CNTN5: variants seen among roughly 807,000 people sequenced by gnomAD.
CNTN5 encodes the protein contactin 5.
In CNTN5, 77 loss-of-function variants were observed where a neutral mutation model predicts 129.1. The observed-to-expected ratio is 0.60, with a 90% CI of 0.50 to 0.72. CNTN5 has a LOEUF of 0.72. CNTN5 is among the 30% of genes least tolerant of loss of function. The pLI, the probability that CNTN5 is intolerant of heterozygous loss-of-function variation, is 0.00. For synonymous variants in CNTN5, 509 were observed against 465.6 expected (o/e 1.09, Z -1.20); for missense variants, 1,478 against 1,328.8 (o/e 1.11, Z -1.75).
intron 2 of CNTN5, among the ~76,000 whole-genome samples, chr11:99,335,139 A>G (rs1460308754): frequency 6.6e-6 from 1 of 152,182 alleles, no homozygotes; most frequent in Non-Finnish European, 1.5e-5. Flanking sequence ...GTGAAGTGTC[A>G]GAAGCTGTTC....
intron 3 of CNTN5, among the ~76,000 whole-genome samples, chr11:99,579,397 T>C (rs2135604045): frequency 6.6e-6 from 1 of 152,086 alleles, no homozygotes; most frequent in Non-Finnish European, 1.5e-5. Flanking sequence ...GGGGATGGCA[T>C]TGAATGTATA....
At chr11:100,262,743 A>T (rs1213806477) in intron 17 of CNTN5, among the ~76,000 whole-genome samples, 1 of 152,160 alleles carries the variant, frequency 6.6e-6, no homozygotes, top group Admixed American at 6.5e-5. Flanking sequence ...GAACAAGGAA[A>T]ACACATGGAC....
At chr11:99,137,807 A>C (rs1859308308) in intron 1 of CNTN5, among the ~76,000 whole-genome samples, 1 of 105,066 alleles carries the variant, frequency 9.5e-6, no homozygotes, top group South Asian at 3.6e-4. Flanking sequence ...AGTATACATC[A>C]ATCTGCCAGA....
chr11:99,938,440 AC>A (rs1157218832), intron 7 of CNTN5, among the ~76,000 whole-genome samples: 3 of 151,590 alleles, frequency 2.0e-5, no homozygotes, highest in Non-Finnish European at 4.4e-5. Flanking sequence ...TATTTGAGAG[AC>A]AGATTTATTC....
intron 13 of CNTN5, among the ~76,000 whole-genome samples, chr11:100,094,641 G>A (rs1944921908): frequency 6.6e-6 from 1 of 151,752 alleles, no homozygotes; most frequent in Admixed American, 6.6e-5. Flanking sequence ...AAGAGAGATG[G>A]GTTTGTGGGG....
chr11:99,966,170 A>G (rs941850637), intron 8 of CNTN5, among the ~76,000 whole-genome samples: 1 of 152,208 alleles, frequency 6.6e-6, no homozygotes, highest in Admixed American at 6.5e-5. Flanking sequence ...ACTTCTCTGA[A>G]AAAATGTAGA....
chr11:100,011,584 T>A (rs1343142399), intron 9 of CNTN5, among the ~76,000 whole-genome samples: 1 of 152,276 alleles, frequency 6.6e-6, no homozygotes, highest in Non-Finnish European at 1.5e-5. Context: ...TCATCTGAAA[T>A]CTTGTGGTGA....
chr11:99,817,224 TTGAA>T (rs1218534943), intron 3 of CNTN5, among the ~76,000 whole-genome samples: 8 of 152,236 alleles, frequency 5.3e-5, no homozygotes, highest in Non-Finnish European at 1.0e-4. Flanking sequence ...GAATGAATGC[TTGAA>T]TGAATGAATG....
intron 9 of CNTN5, among the ~76,000 whole-genome samples, chr11:100,026,848 GTC>G (rs1199099006): frequency 6.6e-6 from 1 of 151,892 alleles, no homozygotes; most frequent in Non-Finnish European, 1.5e-5. Flanking sequence ...TCTTGACAGT[GTC>G]TTTTACGAAG....
At chr11:99,763,347 A>G (rs1419914258) in intron 3 of CNTN5, among the ~76,000 whole-genome samples, 1 of 152,162 alleles carries the variant, frequency 6.6e-6, no homozygotes, top group Non-Finnish European at 1.5e-5. Context: ...CAAAAGGATA[A>G]TCATAAATAT....
At chr11:99,846,803 C>T (rs924611629) in intron 6 of CNTN5, among the ~76,000 whole-genome samples, 4 of 151,594 alleles carry the variant, frequency 2.6e-5, no homozygotes, top group Admixed American at 6.6e-5. Context: ...TGAAGAGTAC[C>T]GAGATAGGTC....
At position 100,255,923 on chromosome 11, in the gene CNTN5, G is replaced by A. The variant is rs1229451288; in HGVS notation, c.2164+5G>A. 6.2e-7 allele frequency: 1 copy of A among 1,613,686 alleles called. No individual in the cohort carries two copies. On this transcript the variant is annotated splice_donor_5th_base_variant and intron_variant, in intron 17 of 24. Coordinates refer to ENST00000524871, the MANE Select transcript of CNTN5 (RefSeq NM_014361.4). The stretch of plus-strand genomic sequence containing the variant: ...GCTGGCAAACAGTAAAGACAGGTAA[G>A]AGGCACTAAAGCAACATCAGATATA...
intron 18 of CNTN5, among the ~76,000 whole-genome samples, chr11:100,295,260 C>A (rs540216965): frequency 1.3e-5 from 2 of 151,530 alleles, no homozygotes; most frequent in East Asian, 3.9e-4. Context: ...GTAAGAAAAC[C>A]TCACGGAGCT....
chr11:99,469,767 G>A (rs1046026391), intron 2 of CNTN5, among the ~76,000 whole-genome samples: 2 of 151,672 alleles, frequency 1.3e-5, no homozygotes, highest in East Asian at 1.9e-4. Flanking sequence ...TTTTGATTTG[G>A]AGTTGCACCT....
chr11:99,985,373 C>A (rs1938611476), intron 8 of CNTN5, among the ~76,000 whole-genome samples: 1 of 152,110 alleles, frequency 6.6e-6, no homozygotes, highest in Non-Finnish European at 1.5e-5. Flanking sequence ...GCTGGATCTT[C>A]CCTGAAGTCA....
At chr11:99,700,033 T>C (rs549535156) in intron 3 of CNTN5, among the ~76,000 whole-genome samples, 16 of 151,580 alleles carry the variant, frequency 1.1e-4, no homozygotes. Flanking sequence ...CAATTTGATA[T>C]TGGCCTCCAT....
chr11:100,324,614 T>C (rs1951754771), intron 21 of CNTN5, among the ~76,000 whole-genome samples: 1 of 152,170 alleles, frequency 6.6e-6, no homozygotes, highest in African/African-American at 2.4e-5. Context: ...CAATAAAGAA[T>C]ATGAAGAAGG....
intron 15 of CNTN5, among the ~76,000 whole-genome samples, chr11:100,202,969 T>A (rs949706917): frequency 6.6e-6 from 1 of 152,072 alleles, no homozygotes; most frequent in Non-Finnish European, 1.5e-5. Flanking sequence ...TAGCTGTAAC[T>A]CTTCATTGTG....
intron 8 of CNTN5, among the ~76,000 whole-genome samples, chr11:99,975,420 C>T (rs2137326487): frequency 6.6e-6 from 1 of 152,078 alleles, no homozygotes; most frequent in East Asian, 1.9e-4. Flanking sequence ...GAGCTCTAAG[C>T]TTAGAAATGG....
Sources: gnomAD v4.1 joint callset for allele counts (sites outside exome capture counted in the v4.1 genomes callset) on GRCh38, gnomAD v4.1.1 for gene constraint, MANE v1.5 for transcripts, NCBI Gene and HGNC (gene_info 2026-07-23, HGNC 2026-07-21) for gene names.